The following SP110 variants were observed in gnomAD, a reference collection of about 807,000 sequenced individuals.
SP110 encodes SP110 nuclear body protein, also known as interferon-induced protein 41, 30kD.
A neutral mutation model predicts 92.7 loss-of-function variants in SP110; 62 were observed. That is an observed-to-expected ratio of 0.67 (90% CI 0.55 to 0.83). The LOEUF is 0.83. Ranked by LOEUF, SP110 falls within the 40% of genes least tolerant of loss-of-function variation. The probability of loss-of-function intolerance (pLI) is 0.00; values close to 1 mark genes in which losing one functional copy is unlikely to be tolerated. For synonymous variants in SP110, 273 were observed against 305.3 expected (o/e 0.89, Z 1.10); for missense variants, 793 against 863.9 (o/e 0.92, Z 1.03).
At chr2:230,194,169 G>A (rs941898973) in intron 10 of SP110, among the ~76,000 whole-genome samples, 8 of 152,134 alleles carry the variant, frequency 5.3e-5, no homozygotes, top group Middle Eastern at 3.2e-3. Flanking sequence ...AAAGCAGTGA[G>A]CCTCATGTCC....
intron 2 of SP110, 83 bp downstream of exon 2, chr2:230,216,698 C>G: frequency 6.4e-7 from 1 of 1,553,230 alleles, no homozygotes; most frequent in Non-Finnish European, 8.9e-7. Flanking sequence ...TCTGGAAGCC[C>G]TGGTGGTTTG....
At chr2:230,174,322 C>T (rs1373856253) in intron 14 of SP110, 1 of 152,220 alleles carries the variant, frequency 6.6e-6, no homozygotes, top group Non-Finnish European at 1.5e-5. Flanking sequence ...GGAAACACAT[C>T]CTTCATTTGT....
intron 10 of SP110, among the ~76,000 whole-genome samples, chr2:230,190,364 G>T (rs2042560662): frequency 6.6e-6 from 1 of 151,608 alleles, no homozygotes; most frequent in Non-Finnish European, 1.5e-5. Flanking sequence ...TTTTTGAGAA[G>T]TGTCTGTTCA....
At chr2:230,209,503 G>C (rs1265601555) in intron 7 of SP110, among the ~76,000 whole-genome samples, 1 of 152,168 alleles carries the variant, frequency 6.6e-6, no homozygotes, top group Admixed American at 6.5e-5. Flanking sequence ...GAAGGGGCTG[G>C]ATGGGGCCAG....
chr2:230,170,961 G>A (rs1170425337), intron 17 of SP110, 200 bp from the exon 18 acceptor site: 1 of 629,252 alleles, frequency 1.6e-6, no homozygotes, highest in Admixed American at 2.5e-5. Flanking sequence ...CACATTTATG[G>A]GTACCATAAA....
chr2:230,177,535 T>C lies in SP110; in HGVS notation c.1590+3A>G. On this transcript the variant is annotated splice_donor_region_variant and intron_variant, in intron 14 of 18. Transcript: ENST00000258381. ...TCACCTATCTGTCCCGTCATTATAA[T>C]ACCTTCAGCAGCTCTCCTAGGGTCA... The C allele has an allele frequency of 6.2e-7, 1 of 1,614,026 alleles. No homozygotes were observed. Among genetic ancestry groups the C allele is most frequent in the Non-Finnish European group, 8.5e-7 (1 of 1,179,858 alleles).
At chr2:230,222,850 T>G (rs548229922), upstream of SP110, among the ~76,000 whole-genome samples, 30 of 151,640 alleles carry the variant, frequency 2.0e-4, no homozygotes, top group East Asian at 5.0e-3. Context: ...GTTTTTTTTT[T>G]TTTTTTTTTT....
Position 230,170,694 on chromosome 2 carries a change from G to A in SP110, c.1955C>T (p.Thr652Met), listed in dbSNP as rs372023963. ...AAACCATGCCACCGTGTACATTTCC[G>A]TAATCAGCCTTTCCTTAACCAGGTC... ...WLDLVKERLI[T>M]EMYTVAWFVR... is the part of the protein sequence containing the mutation. Residue 652 changes from threonine (T) to methionine (M), a missense_variant, in exon 18 of 19, where the codon ACG (threonine) becomes ATG (methionine). Coordinates refer to ENST00000258381, the MANE Select transcript of SP110 (RefSeq NM_080424.4). 36 of 1,613,940 alleles carry A rather than the reference G, an allele frequency of 2.2e-5. No homozygotes were observed. The highest frequency in any genetic ancestry group is 1.6e-4 in the Middle Eastern group (1 of 6,082).
chr2:230,198,084 A>C (rs2042960917), intron 10 of SP110, among the ~76,000 whole-genome samples: 2 of 152,272 alleles, frequency 1.3e-5, no homozygotes, highest in African/African-American at 2.4e-5. Flanking sequence ...TCTCTATCAC[A>C]TGAAGTTCTC....
At chr2:230,183,271 G>A (rs2042207017) in intron 12 of SP110, among the ~76,000 whole-genome samples, 1 of 152,214 alleles carries the variant, frequency 6.6e-6, no homozygotes, top group Admixed American at 6.5e-5. Context: ...TAGAATGGAA[G>A]ACATAGAAGT....
At chr2:230,177,363 G>A in intron 14 of SP110, 175 bp downstream of exon 14, 1 of 735,204 alleles carries the variant, frequency 1.4e-6, no homozygotes. Flanking sequence ...TCCACCATCA[G>A]GAACAATATG....
intron 10 of SP110, among the ~76,000 whole-genome samples, chr2:230,188,461 A>G (rs1019670315): frequency 1.3e-5 from 2 of 152,080 alleles, no homozygotes; most frequent in Non-Finnish European, 2.9e-5. Context: ...TTCTTTTCCA[A>G]TTTGGATGTC....
chr2:230,199,506 G>C (rs2043036711), intron 10 of SP110, among the ~76,000 whole-genome samples: 1 of 151,988 alleles, frequency 6.6e-6, no homozygotes, highest in South Asian at 2.1e-4. Context: ...ACTGTGCTGG[G>C]CCAGCAACAT....
intron 12 of SP110, among the ~76,000 whole-genome samples, chr2:230,183,023 G>T (rs2042196909): frequency 6.6e-6 from 1 of 152,198 alleles, no homozygotes; most frequent in African/African-American, 2.4e-5. Flanking sequence ...AATAAAAAGG[G>T]CCAGTGTGGC....
upstream of SP110, among the ~76,000 whole-genome samples, chr2:230,222,400 T>G (rs1236041648): frequency 6.6e-6 from 1 of 152,174 alleles, no homozygotes; most frequent in African/African-American, 2.4e-5. Context: ...TTTTACCAAA[T>G]GTAGTTACTA....
chr2:230,214,874 A>T, intron 3 of SP110, 76 bp downstream of exon 3: 1 of 1,260,272 alleles, frequency 7.9e-7, no homozygotes, highest in Admixed American at 1.7e-5. Flanking sequence ...TGCATATTCC[A>T]CAGGGCTAGA....
At chr2:230,178,531 T>A (rs1467335162) in intron 12 of SP110, among the ~76,000 whole-genome samples, 1 of 152,206 alleles carries the variant, frequency 6.6e-6, no homozygotes, top group African/African-American at 2.4e-5. Flanking sequence ...GCAAGTGAAT[T>A]GGCTGTCACT....
upstream of SP110, among the ~76,000 whole-genome samples, chr2:230,222,283 G>A (rs548193014): frequency 3.3e-5 from 5 of 151,118 alleles, no homozygotes; most frequent in East Asian, 7.7e-4. Context: ...ATGGGAAAAC[G>A]TCACCTGTTA....
chr2:230,178,176 A>C lies in SP110; in HGVS notation c.1428T>G (p.Tyr476Ter), dbSNP rs1296930080. 1.9e-6 allele frequency: 3 copies of C among 1,609,304 alleles called. No homozygotes were observed. The highest frequency in any genetic ancestry group is 2.6e-6 in the Non-Finnish European group (3 of 1,175,818). ...ACTCACCGTGTTTCATTTTCTTCTT[A>C]TATAAAATCCCTTTCGCCTCACCAC... ...VTCGEAKGIL[Y>*]KKKMKHGSSV... Residue 476 changes from tyrosine to a stop codon, truncating the protein, a stop_gained, in exon 13 of 19, where the codon TAT becomes TAG. Transcript: ENST00000258381. LOFTEE classifies it high-confidence loss of function.
Sources: allele counts gnomAD v4.1 joint callset (sites outside exome capture counted in the v4.1 genomes callset), GRCh38; gene constraint gnomAD v4.1.1; transcripts MANE v1.5; gene names NCBI Gene and HGNC (gene_info 2026-07-23, HGNC 2026-07-21).